Variants in WWC1 observed in about 807,000 individuals in gnomAD.
WWC1 encodes protein KIBRA.
WWC1 carries 55 observed loss-of-function variants against 138.4 expected under a neutral mutation model. The ratio of observed to expected loss-of-function variants is 0.40; its 90% CI spans 0.32 to 0.50. The LOEUF (loss-of-function observed/expected upper bound fraction) is 0.50. WWC1 is among the 20% of genes least tolerant of loss of function. WWC1 has a pLI of 0.72. For synonymous variants in WWC1, 524 were observed against 564.9 expected (o/e 0.93, Z 1.03); for missense variants, 1,226 against 1,420.4 (o/e 0.86, Z 2.20).
At chr5:168,391,666 A>G (rs1582133641) in intron 3 of WWC1, among the ~76,000 whole-genome samples, 1 of 148,932 alleles carries the variant, frequency 6.7e-6, no homozygotes, top group Non-Finnish European at 1.5e-5. Context: ...CTCAAAAAAA[A>G]AAAAACAAAA....
intron 22 of WWC1, among the ~76,000 whole-genome samples, chr5:168,468,746 A>G (rs1048537404): frequency 3.9e-5 from 6 of 152,152 alleles, no homozygotes; most frequent in African/African-American, 1.2e-4. Context: ...CCCCTGGAAC[A>G]TTTGGCAATG....
intron 1 of WWC1, among the ~76,000 whole-genome samples, chr5:168,318,182 T>C (rs1318538957): frequency 6.6e-6 from 1 of 152,202 alleles, no homozygotes; most frequent in Admixed American, 6.5e-5. Context: ...GTTCTCTTGG[T>C]TCCAGAAGTT....
chr5:168,369,746 G>C (rs184518336), intron 1 of WWC1, among the ~76,000 whole-genome samples: 2 of 152,230 alleles, frequency 1.3e-5, no homozygotes, highest in Admixed American at 1.3e-4. Flanking sequence ...AACACACCAG[G>C]TCCTATCCAG....
At chr5:168,407,142 T>C (rs553453059) in intron 6 of WWC1, among the ~76,000 whole-genome samples, 4 of 152,236 alleles carry the variant, frequency 2.6e-5, no homozygotes, top group African/African-American at 7.2e-5. Context: ...TTCAACATCA[T>C]TAACCTCTGA....
intron 1 of WWC1, among the ~76,000 whole-genome samples, chr5:168,341,682 G>A (rs1187023384): frequency 2.7e-5 from 4 of 150,762 alleles, no homozygotes; most frequent in African/African-American, 9.8e-5. Context: ...TCAAAGCGGT[G>A]CAGGTGTCAT....
At chr5:168,439,818 G>A (rs28580654) in intron 15 of WWC1, among the ~76,000 whole-genome samples, 3,411 of 152,212 alleles carry the variant, frequency 0.022, 115 homozygotes, top group African/African-American at 0.068. Flanking sequence ...AATTCCTTCC[G>A]TCGGGTTTCT....
intron 17 of WWC1, among the ~76,000 whole-genome samples, chr5:168,452,826 G>A (rs746128370): frequency 6.6e-6 from 1 of 151,042 alleles, no homozygotes; most frequent in East Asian, 1.9e-4. Context: ...TCAACCACCC[G>A]CCTCGTTCCA....
At chr5:168,341,139 C>G (rs979083644) in intron 1 of WWC1, among the ~76,000 whole-genome samples, 2 of 152,146 alleles carry the variant, frequency 1.3e-5, no homozygotes, top group African/African-American at 4.8e-5. Flanking sequence ...GAAATAACTA[C>G]CATGACAGCT....
chr5:168,341,699 A>T (rs1423169293), intron 1 of WWC1, among the ~76,000 whole-genome samples: 1 of 111,330 alleles, frequency 9.0e-6, no homozygotes, highest in Admixed American at 9.0e-5. Context: ...TCATTTGCTG[A>T]TTTAAAAAAA....
In WWC1 at chr5:168,411,068, G is replaced by A. The variant is rs547039126; in HGVS notation, c.941+1073G>A. ...AGCCTCCCGAGTAGCTGGGACTACA[G>A]GCACCCGTCACAACGCCCGGCTAAT... On this transcript the variant is annotated intron_variant, in intron 8 of 22. Transcript: ENST00000265293. 1.5e-4 allele frequency among the ~76,000 whole-genome samples: 23 copies of A among 151,840 alleles called. No homozygotes were observed. The East Asian group carries it at 4.5e-3, about 30-fold the overall frequency.
intron 1 of WWC1, among the ~76,000 whole-genome samples, chr5:168,341,017 C>T (rs962169329): frequency 6.6e-6 from 1 of 152,198 alleles, no homozygotes; most frequent in African/African-American, 2.4e-5. Flanking sequence ...TGAACGCTTC[C>T]TTATAGCAGC....
Position 168,441,699 on chromosome 5 carries a change from C to T in WWC1, c.2298C>T (p.Ser766=). The change falls in exon 16 of 23, where the codon AGC becomes AGT. Residue 766 remains serine, a synonymous_variant. Coordinates refer to ENST00000265293, the MANE Select transcript of WWC1 (RefSeq NM_015238.3). ...LEECLGGAQI[S]LAEVCRSGER... is the part of the protein sequence containing the mutation. Reference sequence around the variant, plus strand: ...CCCAACAGGGAGGCGCCCAGATCAGCCTGGCGGAGGTCTGCCGGTCTGGGG... The same window carrying T: ...CCCAACAGGGAGGCGCCCAGATCAGTCTGGCGGAGGTCTGCCGGTCTGGGG... 1 of 1,614,064 alleles carries T rather than the reference C, an allele frequency of 6.2e-7. No homozygotes were observed. Among genetic ancestry groups the T allele is most frequent in the Non-Finnish European group, 8.5e-7 (1 of 1,179,972 alleles).
chr5:168,343,034 T>A (rs1774173822), intron 1 of WWC1, among the ~76,000 whole-genome samples: 1 of 152,114 alleles, frequency 6.6e-6, no homozygotes, highest in African/African-American at 2.4e-5. Context: ...TTGGAGTTCT[T>A]GTTTTATGAC....
chr5:168,413,957 T>G, intron 8 of WWC1: 1 of 212,422 alleles, frequency 4.7e-6, no homozygotes, highest in Non-Finnish European at 9.5e-6. Context: ...TTACAGATTA[T>G]ATCATAAAAC....
At position 168,466,512 on chromosome 5, in the gene WWC1, G is replaced by A. The variant is rs139717435; in HGVS notation, c.3151-1328G>A. ...GAAATCTCAGTGCTGAATACAGGTG[G>A]TGATGCCCTAGGGCAGGAAGATGAC... On this transcript the variant is annotated intron_variant, in intron 21 of 22. Coordinates refer to ENST00000265293, the MANE Select transcript of WWC1 (RefSeq NM_015238.3). Among the ~76,000 whole-genome samples, 3 of 152,348 alleles carry A rather than the reference G, an allele frequency of 2.0e-5. No individual in the cohort carries two copies. The East Asian group carries it at 5.8e-4, about 29-fold the overall frequency.
intron 17 of WWC1, among the ~76,000 whole-genome samples, chr5:168,445,300 C>CA (rs936982912): frequency 6.0e-5 from 9 of 150,420 alleles, no homozygotes; most frequent in African/African-American, 2.2e-4. Flanking sequence ...GGTGATAGAG[C>CA]AAAAAAACAA....
chr5:168,466,342 T>G (rs1362143266), intron 21 of WWC1, among the ~76,000 whole-genome samples: 3 of 152,152 alleles, frequency 2.0e-5, no homozygotes, highest in Non-Finnish European at 4.4e-5. Context: ...TTTCATAAAT[T>G]TTTCATTTAT....
intron 2 of WWC1, among the ~76,000 whole-genome samples, chr5:168,373,453 T>G (rs375312700): frequency 1.4e-4 from 22 of 152,100 alleles, no homozygotes; most frequent in African/African-American, 5.1e-4. Context: ...TGGTTGGATG[T>G]GGGGGACCAC....
chr5:168,353,544 TTCTCA>T (rs1775158570), intron 1 of WWC1, among the ~76,000 whole-genome samples: 2 of 152,184 alleles, frequency 1.3e-5, no homozygotes, highest in Admixed American at 1.3e-4. Context: ...GCCTCTGTCC[TTCTCA>T]TCTCAACCCC....
Sources: allele counts gnomAD v4.1 joint callset (sites outside exome capture counted in the v4.1 genomes callset), GRCh38; gene constraint gnomAD v4.1.1; transcripts MANE v1.5; gene names NCBI Gene and HGNC (gene_info 2026-07-23, HGNC 2026-07-21).